The following STK39 variants were observed in gnomAD, a reference collection of about 807,000 sequenced individuals.
STK39 encodes the protein serine/threonine kinase 39, also known as STE20/SPS1-related proline-alanine-rich protein kinase.
STK39 carries 20 observed loss-of-function variants against 77.8 expected under a neutral mutation model. That is an observed-to-expected ratio of 0.26 (90% CI 0.18 to 0.37). The LOEUF is 0.37. Among genes scored for constraint, STK39 ranks in the 10% least tolerant of loss-of-function variants. STK39 has a pLI of 1.00. For missense variants in STK39, 479 were observed against 656.5 expected, an observed-to-expected ratio of 0.73 and a Z score of 2.95; for synonymous variants, 246 against 234.1, an observed-to-expected ratio of 1.05 and a Z score of -0.47.
At chr2:168,237,580 T>A (rs1574583818) in intron 1 of STK39, among the ~76,000 whole-genome samples, 2 of 152,294 alleles carry the variant, frequency 1.3e-5, no homozygotes, top group African/African-American at 2.4e-5. Flanking sequence ...TGGCTGTGGG[T>A]CTGTCATAGA....
At chr2:168,155,218 C>T (rs1688395531) in intron 5 of STK39, among the ~76,000 whole-genome samples, 1 of 152,140 alleles carries the variant, frequency 6.6e-6, no homozygotes, top group African/African-American at 2.4e-5. Context: ...AGTAACATTT[C>T]CTTAAGCTGT....
Position 168,247,485 on chromosome 2 carries a change from C to A in STK39, c.-50G>T. The A allele has an allele frequency of 7.8e-7, 1 of 1,276,188 alleles. No individual in the cohort carries two copies. The highest frequency in any genetic ancestry group is 1.0e-6 in the Non-Finnish European group (1 of 995,756). The allele number at this position is 1,276,188 out of a possible 1,614,324, so 79.1% of individuals were successfully genotyped here. A position where few individuals can be genotyped will look rare whatever the true frequency, so the allele number is the denominator to read the frequency against. The stretch of plus-strand genomic sequence containing the variant: ...ACGCGCCGGCCGACGGACGACCTTC[C>A]ACTTGAAACTTCCTTTGCCTCGCCG... On this transcript the variant is annotated 5_prime_UTR_variant, in exon 1 of 18. Transcript: ENST00000355999.
chr2:167,968,405 A>G (rs1692222400), intron 16 of STK39, among the ~76,000 whole-genome samples: 1 of 152,276 alleles, frequency 6.6e-6, no homozygotes, highest in Admixed American at 6.5e-5. Flanking sequence ...TACTATTTAC[A>G]GTCTACGTCT....
At chr2:167,994,636 A>G (rs1047617495) in intron 16 of STK39, among the ~76,000 whole-genome samples, 1 of 152,148 alleles carries the variant, frequency 6.6e-6, no homozygotes, top group Non-Finnish European at 1.5e-5. Context: ...CCACAAATCT[A>G]CTTTCTATCT....
intron 14 of STK39, among the ~76,000 whole-genome samples, chr2:168,017,511 C>T (rs1684445636): frequency 1.3e-5 from 2 of 150,344 alleles, no homozygotes; most frequent in Middle Eastern, 3.4e-3. Flanking sequence ...GCTGGAATTA[C>T]AGGCATGTGC....
chr2:168,074,750 G>C (rs1686031811), intron 12 of STK39, among the ~76,000 whole-genome samples: 1 of 152,112 alleles, frequency 6.6e-6, no homozygotes, highest in South Asian at 2.1e-4. Context: ...ATAAGTACTG[G>C]GATCATCCTC....
chr2:168,031,504 T>C (rs1684832656), intron 14 of STK39, among the ~76,000 whole-genome samples: 1 of 152,138 alleles, frequency 6.6e-6, no homozygotes, highest in Non-Finnish European at 1.5e-5. Flanking sequence ...TTCAGATTCA[T>C]GTTGAAAGCC....
At chr2:168,009,652 T>C (rs769555797) in intron 16 of STK39, among the ~76,000 whole-genome samples, 56 of 152,186 alleles carry the variant, frequency 3.7e-4, no homozygotes, top group Non-Finnish European at 6.5e-4. Context: ...TCAAATGAAA[T>C]ACATAAACAT....
chr2:168,245,889 T>A (rs1318071161), intron 1 of STK39, among the ~76,000 whole-genome samples: 1 of 152,180 alleles, frequency 6.6e-6, no homozygotes, highest in Non-Finnish European at 1.5e-5. Context: ...ATGCCTATTA[T>A]AGGTTATCTG....
At chr2:168,006,168 C>T (rs560253770) in intron 16 of STK39, among the ~76,000 whole-genome samples, 34 of 152,156 alleles carry the variant, frequency 2.2e-4, no homozygotes, top group Non-Finnish European at 4.6e-4. Flanking sequence ...TTCTGAAAGG[C>T]ATCTGTCAAG....
At chr2:167,957,133 T>C (rs779150675) in intron 17 of STK39, among the ~76,000 whole-genome samples, 4 of 152,236 alleles carry the variant, frequency 2.6e-5, no homozygotes, top group Non-Finnish European at 5.9e-5. Context: ...ATAATGTTTG[T>C]ACCTTGAATA....
At chr2:168,115,204 T>C (rs544077354) in intron 10 of STK39, among the ~76,000 whole-genome samples, 31 of 152,284 alleles carry the variant, frequency 2.0e-4, no homozygotes, top group Non-Finnish European at 4.3e-4. Context: ...TGAAATAAAG[T>C]AAATGTTCAT....
At chr2:168,124,781 A>G (rs1687497578) in intron 10 of STK39, among the ~76,000 whole-genome samples, 1 of 152,184 alleles carries the variant, frequency 6.6e-6, no homozygotes, top group African/African-American at 2.4e-5. Context: ...CACTAACATA[A>G]AACTTAGACA....
intron 10 of STK39, among the ~76,000 whole-genome samples, chr2:168,108,637 T>G (rs1304082256): frequency 6.6e-6 from 1 of 152,024 alleles, no homozygotes; most frequent in Non-Finnish European, 1.5e-5. Context: ...ATGGAGTCCA[T>G]AAAGGTCATT....
chr2:168,143,147 C>A (rs895863), intron 5 of STK39, among the ~76,000 whole-genome samples: 23,725 of 152,146 alleles, frequency 0.16, 1,967 homozygotes, highest in East Asian at 0.25. Context: ...ATCTCCCTGC[C>A]TCCAGGAATA....
chr2:167,971,924 G>A (rs1466396500), intron 16 of STK39, among the ~76,000 whole-genome samples: 1 of 152,206 alleles, frequency 6.6e-6, no homozygotes, highest in Admixed American at 6.5e-5. Context: ...AGTGGCTGAT[G>A]TCTGCGTTTT....
intron 17 of STK39, among the ~76,000 whole-genome samples, chr2:167,960,646 T>C (rs147287442): frequency 1.3e-5 from 2 of 152,106 alleles, no homozygotes; most frequent in African/African-American, 4.8e-5. Context: ...CCTCCCGCCA[T>C]GACAGCAGGT....
At chr2:168,224,160 A>G (rs533929116) in intron 1 of STK39, among the ~76,000 whole-genome samples, 1 of 152,208 alleles carries the variant, frequency 6.6e-6, no homozygotes. Context: ...GAGTAATGAA[A>G]ATTAAACCAA....
chr2:167,988,725 T>C (rs1052071776), intron 16 of STK39, among the ~76,000 whole-genome samples: 1 of 152,216 alleles, frequency 6.6e-6, no homozygotes, highest in East Asian at 1.9e-4. Flanking sequence ...ATGTTCAGTT[T>C]AGAAATTTAC....
Sources: allele counts gnomAD v4.1 joint callset (sites outside exome capture counted in the v4.1 genomes callset), GRCh38; gene constraint gnomAD v4.1.1; transcripts MANE v1.5; gene names NCBI Gene and HGNC (gene_info 2026-07-23, HGNC 2026-07-21).